The following SEMA7A variants were observed in gnomAD, a reference collection of about 807,000 sequenced individuals.
SEMA7A encodes semaphorin-7A.
In SEMA7A, 21 loss-of-function variants were observed where a neutral mutation model predicts 67.5. The observed-to-expected ratio is 0.31, with a 90% confidence interval of 0.22 to 0.45. The LOEUF is 0.45. Ranked by LOEUF, SEMA7A falls within the 20% of genes least tolerant of loss-of-function variation. The pLI is 1.00. For missense variants in SEMA7A, 774 were observed against 908.6 expected (o/e 0.85, Z 1.90); for synonymous variants, 364 against 368.5 (o/e 0.99, Z 0.14).
At chr15:74,428,024 G>A (rs1343332283) in intron 1 of SEMA7A, among the ~76,000 whole-genome samples, 1 of 152,236 alleles carries the variant, frequency 6.6e-6, no homozygotes, top group Non-Finnish European at 1.5e-5. Flanking sequence ...CAGAAGGCAT[G>A]GCAGGATCAG....
chr15:74,417,546 G>C, intron 5 of SEMA7A, 45 bp downstream of exon 5: 2 of 1,595,526 alleles, frequency 1.3e-6, no homozygotes, highest in Non-Finnish European at 1.7e-6. Flanking sequence ...TCCCAGCCCA[G>C]TTCAGAAGCA....
At chr15:74,413,428 G>A (rs1202393974) in intron 10 of SEMA7A, among the ~76,000 whole-genome samples, 5 of 152,186 alleles carry the variant, frequency 3.3e-5, no homozygotes, top group African/African-American at 7.2e-5. Flanking sequence ...AATCACTCAA[G>A]TGTGCTCACC....
chr15:74,427,446 A>C (rs2061052615), intron 1 of SEMA7A: 1 of 931,560 alleles, frequency 1.1e-6, no homozygotes, highest in African/African-American at 1.8e-5. Flanking sequence ...CTCCTGCCTC[A>C]GCCTCCCAAG....
chr15:74,411,812 T>C lies in SEMA7A; in HGVS notation c.1422+73A>G. ...AGAAGCTCTTAAAAGAACACACAAATCACATGCAAAGGAGCCCTGTCCTCA... is the reference window on the plus strand; with the variant it reads ...AGAAGCTCTTAAAAGAACACACAAACCACATGCAAAGGAGCCCTGTCCTCA... On this transcript the variant is annotated intron_variant, in intron 11 of 13. Coordinates refer to ENST00000261918, the MANE Select transcript of SEMA7A (RefSeq NM_003612.5). This position sits in a 1 kb window ranked among gnomAD's most constrained non-coding sequence, Gnocchi z 4.4. The C allele has an allele frequency of 6.2e-7, 1 of 1,603,700 alleles. No individual in the cohort carries two copies.
rs930844516 is a variant in SEMA7A at position 74,410,846 on chromosome 15, G to A, written c.1779C>T (p.Ser593=). ...VEQSCEPGHQ[S]PNCILFIENL... ...TCTCGATGAACAGGATGCAGTTGGGGCTCTGGTGACCAGGTTCGCAGCTCT... is the reference window on the plus strand; with the variant it reads ...TCTCGATGAACAGGATGCAGTTGGGACTCTGGTGACCAGGTTCGCAGCTCT... Residue 593 remains serine (S), a synonymous_variant, in exon 14 of 14, where the codon AGC becomes AGT. Coordinates refer to ENST00000261918, the MANE Select transcript of SEMA7A (RefSeq NM_003612.5). The surrounding 1 kb of genome is among the most constrained non-coding windows in gnomAD (Gnocchi z 7.5). 1.9e-6 allele frequency: 3 copies of A among 1,614,216 alleles called. No individual in the cohort carries two copies. In the African/African-American group the frequency reaches 4.0e-5, roughly 22 times the overall value.
At chr15:74,427,783 G>A (rs2061055257) in intron 1 of SEMA7A, among the ~76,000 whole-genome samples, 1 of 152,136 alleles carries the variant, frequency 6.6e-6, no homozygotes, top group African/African-American at 2.4e-5. Context: ...CACAGTCCTA[G>A]GCTACATCTG....
chr15:74,416,251 C>T (rs769704721), intron 7 of SEMA7A, among the ~76,000 whole-genome samples: 4 of 152,026 alleles, frequency 2.6e-5, no homozygotes, highest in African/African-American at 4.8e-5. Context: ...ACAGAGCAGA[C>T]GGACTCAGAC....
chr15:74,411,036 G>C lies in SEMA7A; in HGVS notation c.1640-51C>G, dbSNP rs750280860. 33 of 1,571,490 alleles carry C rather than the reference G, an allele frequency of 2.1e-5. No homozygotes were observed. The highest frequency in any genetic ancestry group is 2.7e-5 in the Non-Finnish European group (31 of 1,159,204). ...GTGAGGAGGGACAAAGAGCTCCCAG[G>C]GGAGGATGTGTCCTCCCCACGGACT... On this transcript the variant is annotated intron_variant, in intron 13 of 13. Transcript: ENST00000261918. This position sits in a 1 kb window ranked among gnomAD's most constrained non-coding sequence, Gnocchi z 4.4.
chr15:74,418,753 G>A, intron 2 of SEMA7A, 48 bp downstream of exon 2: 1 of 1,595,326 alleles, frequency 6.3e-7, no homozygotes. Context: ...CAGGGCCAGA[G>A]GGGAGATAAG....
Position 74,414,710 on chromosome 15 carries a change from G to A in SEMA7A, c.1131C>T (p.Thr377=). 1.2e-6 allele frequency: 2 copies of A among 1,614,186 alleles called. No individual in the cohort carries two copies. Among genetic ancestry groups the A allele is most frequent in the East Asian group, 4.5e-5 (2 of 44,880 alleles). Residue 377 remains threonine, a synonymous_variant, in exon 10 of 14, where the codon ACC becomes ACT. Coordinates refer to ENST00000261918, the MANE Select transcript of SEMA7A (RefSeq NM_003612.5). This position sits in a 1 kb window ranked among gnomAD's most constrained non-coding sequence, Gnocchi z 4.1. ...LPDQQPIPTE[T]FQVADRHPEV... ...CTGGGTGACGGTCAGCCACCTGGAA[G>A]GTCTCTGTGGGTATCGGCTGCTGGT...
At position 74,414,618 on chromosome 15, in the gene SEMA7A, T is replaced by C; in HGVS notation, c.1223A>G (p.Tyr408Cys). 1.2e-6 allele frequency: 2 copies of C among 1,614,076 alleles called. No homozygotes were observed. Among genetic ancestry groups the C allele is most frequent in the Non-Finnish European group, 1.7e-6 (2 of 1,180,018 alleles). ...KTPLFHSKYHYQKVAVHRMQA... is the reference protein window; with the variant it reads ...KTPLFHSKYHCQKVAVHRMQA... ...CATGCGGTGGACGGCCACTTTCTGGTAGTGGTATTTAGAGTGGAACAATGG... is the reference window on the plus strand; with the variant it reads ...CATGCGGTGGACGGCCACTTTCTGGCAGTGGTATTTAGAGTGGAACAATGG... Residue 408 changes from tyrosine (Y) to cysteine (C), a missense_variant, in exon 10 of 14, where the codon TAC becomes TGC. Coordinates refer to ENST00000261918, the MANE Select transcript of SEMA7A (RefSeq NM_003612.5). The surrounding 1 kb of genome is among the most constrained non-coding windows in gnomAD (Gnocchi z 4.1).
At chr15:74,415,098 A>G (rs945179343) in intron 8 of SEMA7A, 152 bp from the exon 9 acceptor site, 6 of 665,550 alleles carry the variant, frequency 9.0e-6, no homozygotes, top group African/African-American at 7.2e-5. Flanking sequence ...AGTTCAGCCT[A>G]ATTTCTTTGT....
chr15:74,414,414 C>G lies in SEMA7A; in HGVS notation c.1294+133G>C, dbSNP rs550480663. On this transcript the variant is annotated intron_variant, in intron 10 of 13. Coordinates refer to ENST00000261918, the MANE Select transcript of SEMA7A (RefSeq NM_003612.5). The surrounding 1 kb of genome is among the most constrained non-coding windows in gnomAD (Gnocchi z 4.1). ...ACTCTTCCACACCCACACACATTAA[C>G]CCCTGACAACTCCAGTCACTCAATT... 54 of 976,136 alleles carry G rather than the reference C, an allele frequency of 5.5e-5. 1 individual carries two copies. In the South Asian group the frequency reaches 7.8e-4, roughly 14 times the overall value. The allele number at this position is 976,136 out of a possible 1,614,324, so 60.5% of individuals were successfully genotyped here.
In SEMA7A at chr15:74,411,740, C is replaced by T. The variant is rs367881663; in HGVS notation, c.1423-30G>A. On this transcript the variant is annotated intron_variant, in intron 11 of 13. Coordinates refer to ENST00000261918, the MANE Select transcript of SEMA7A (RefSeq NM_003612.5). The surrounding 1 kb of genome is among the most constrained non-coding windows in gnomAD (Gnocchi z 4.4). ...AAGGACAGCAGGATTGGGTCAGGCC[C>T]GGGCCCCACCCCACACTCAGTCCTA... The T allele has an allele frequency of 1.9e-5, 30 of 1,609,594 alleles. No individual in the cohort carries two copies. The highest frequency in any genetic ancestry group is 1.7e-4 in the Middle Eastern group (1 of 6,052).
chr15:74,433,892 G>A lies in SEMA7A; in HGVS notation c.27C>T (p.Ala9=), dbSNP rs1257222441. The change falls in exon 1 of 14, where the codon GCC becomes GCT. Residue 9 remains alanine (A), a synonymous_variant. Transcript: ENST00000261918. ...CGCGGGCGCGCGGTGCGCTGGGGGCGGCACGTCCGGGCGGAGGAGGCGTCA... is the reference window on the plus strand; with the variant it reads ...CGCGGGCGCGCGGTGCGCTGGGGGCAGCACGTCCGGGCGGAGGAGGCGTCA... The part of the protein sequence containing the change: MTPPPPGR[A]APSAPRARVP... 1 of 1,262,708 alleles carries A rather than the reference G, an allele frequency of 7.9e-7. No individual in the cohort carries two copies. Among genetic ancestry groups the A allele is most frequent in the Non-Finnish European group, 9.9e-7 (1 of 1,008,712 alleles). 78.2% of individuals were successfully genotyped at this position (1,262,708 alleles called of 1,614,324 possible).
chr15:74,417,856 C>G, intron 4 of SEMA7A, 21 bp downstream of exon 4: 1 of 1,612,704 alleles, frequency 6.2e-7, no homozygotes, highest in Non-Finnish European at 8.5e-7. Context: ...TGATCAGGCA[C>G]ATGGGGAGCA....
At chr15:74,419,043 C>A in intron 1 of SEMA7A, 91 bp from the exon 2 acceptor site, 2 of 1,448,318 alleles carry the variant, frequency 1.4e-6, no homozygotes, top group Non-Finnish European at 1.9e-6. Context: ...GGAACCAGTG[C>A]TTGGTGCTCA....
chr15:74,416,961 G>C (rs1478447144), intron 6 of SEMA7A, among the ~76,000 whole-genome samples: 1 of 152,206 alleles, frequency 6.6e-6, no homozygotes, highest in Non-Finnish European at 1.5e-5. Context: ...CATGCCTGGG[G>C]ACTGGGGGAA....
At chr15:74,418,111 G>A (rs2060968171) in intron 3 of SEMA7A, 142 bp from the exon 4 acceptor site, 3 of 1,146,322 alleles carry the variant, frequency 2.6e-6, no homozygotes, top group Admixed American at 1.9e-5. Flanking sequence ...AGCCCAGAGT[G>A]TGTGCAGCTG....
Sources: gnomAD v4.1 joint callset for allele counts (sites outside exome capture counted in the v4.1 genomes callset) on GRCh38, gnomAD v4.1.1 for gene constraint, Gnocchi (gnomAD v3.1) non-coding constraint, MANE v1.5 for transcripts, NCBI Gene and HGNC (gene_info 2026-07-23, HGNC 2026-07-21) for gene names.